MED1: variants seen among roughly 807,000 people sequenced by gnomAD.
The protein encoded by MED1 is mediator complex subunit 1.
Under a neutral mutation model 121.3 loss-of-function variants are expected in MED1, and 17 were observed. The ratio of observed to expected loss-of-function variants is 0.14; its 90% CI spans 0.10 to 0.21. The LOEUF (loss-of-function observed/expected upper bound fraction) is 0.21. MED1 is among the 10% of genes least tolerant of loss of function. The probability of loss-of-function intolerance (pLI) is 1.00; values close to 1 mark genes in which losing one functional copy is unlikely to be tolerated. For synonymous variants in MED1, 661 were observed against 694.4 expected, an observed-to-expected ratio of 0.95 and a Z score of 0.76; for missense variants, 1,558 against 1,919.4, an observed-to-expected ratio of 0.81 and a Z score of 3.52.
At chr17:39,420,573 T>C (rs1015339790) in intron 13 of MED1, among the ~76,000 whole-genome samples, 3 of 152,030 alleles carry the variant, frequency 2.0e-5, no homozygotes, top group Non-Finnish European at 2.9e-5. Flanking sequence ...ACTACTTTAG[T>C]CTATTGTAAA....
Position 39,419,581 on chromosome 17 carries a change from T to C in MED1, c.1297+136A>G, listed in dbSNP as rs1597858145. ...CACCACCACGTGCAGCTAATTTGCT[T>C]GATTTTTATGCCAAATATGAAAAAA... is the stretch of plus-strand genomic sequence containing the variant. On this transcript the variant is annotated intron_variant, in intron 14 of 16. Transcript: ENST00000300651. 48 of 815,036 alleles carry C rather than the reference T, an allele frequency of 5.9e-5. No homozygotes were observed. In the East Asian group the frequency reaches 1.3e-3, roughly 21 times the overall value. The allele number at this position is 815,036 out of a possible 1,614,324, so 50.5% of individuals were successfully genotyped here. A position where few individuals can be genotyped will look rare whatever the true frequency, so the allele number is the denominator to read the frequency against.
intron 9 of MED1, among the ~76,000 whole-genome samples, chr17:39,428,235 A>G (rs1363704444): frequency 6.6e-6 from 1 of 152,134 alleles, no homozygotes; most frequent in African/African-American, 2.4e-5. Context: ...CTGTAATCCC[A>G]CAACTTTGGG....
chr17:39,431,467 C>T (rs1033179724), intron 8 of MED1, among the ~76,000 whole-genome samples: 3 of 151,850 alleles, frequency 2.0e-5, no homozygotes, highest in Non-Finnish European at 4.4e-5. Flanking sequence ...TTAGTAGAGA[C>T]GGGGTTTCAC....
chr17:39,420,944 C>T (rs990488755), intron 13 of MED1, among the ~76,000 whole-genome samples: 4 of 151,464 alleles, frequency 2.6e-5, no homozygotes, highest in Non-Finnish European at 4.4e-5. Context: ...TACAGGCGCC[C>T]GCCACCACAC....
Position 39,423,315 on chromosome 17 carries a change from GGCTTT to G in MED1, c.1095+7_1095+11del, listed in dbSNP as rs1336284309. 6.4e-7 allele frequency: 1 copy of G among 1,554,968 alleles called. No homozygotes were observed. Among genetic ancestry groups the G allele is most frequent in the Non-Finnish European group, 8.9e-7 (1 of 1,126,522 alleles). On this transcript the variant is annotated splice_region_variant and intron_variant, in intron 13 of 16. Coordinates refer to ENST00000300651, the MANE Select transcript of MED1 (RefSeq NM_004774.4). ...AACCTACAACATTCTAGCTCCCTAGGGCTTTACTTACAGCATAAAATCTCATGTTG... is the reference window on the plus strand; with the variant it reads ...AACCTACAACATTCTAGCTCCCTAGGACTTACAGCATAAAATCTCATGTTG...
chr17:39,435,457 ATT>A (rs1443903201), intron 6 of MED1, among the ~76,000 whole-genome samples: 2 of 152,004 alleles, frequency 1.3e-5, no homozygotes, highest in Non-Finnish European at 2.9e-5. Context: ...CATCTCCACA[ATT>A]CTAACTCTTG....
rs1022231394 is a variant in MED1, at chr17:39,410,188, A to T, written c.2033T>A (p.Met678Lys). The T allele has an allele frequency of 4.3e-6, 7 of 1,613,852 alleles. No homozygotes were observed. Among genetic ancestry groups the T allele is most frequent in the Non-Finnish European group, 5.9e-6 (7 of 1,180,022 alleles). Reference protein sequence around the residue: ...RQNSSSGSPRMEICSGSNKTK... With the variant: ...RQNSSSGSPRKEICSGSNKTK... ...CTTGTTGCTCCCCGAGCATATTTCCATGCGGGGTGAGCCGGAAGAGGAGTT... is the reference window on the plus strand; with the variant it reads ...CTTGTTGCTCCCCGAGCATATTTCCTTGCGGGGTGAGCCGGAAGAGGAGTT... Residue 678 changes from methionine to lysine, a missense_variant, in exon 17 of 17, where the codon ATG (methionine) becomes AAG (lysine). Physicochemically the swap from Met to Lys is moderately conservative, Grantham distance 95 (BLOSUM62 -1). Around this residue, in one of 5 missense-constraint regions of MED1, gnomAD observed 793 missense variants for 898.2 expected, o/e 0.88. Transcript: ENST00000300651.
Position 39,415,095 on chromosome 17 carries a change from C to T in MED1, c.1430G>A (p.Cys477Tyr), listed in dbSNP as rs760548528. ...ATCCGACAGCCCTTTGTAGAGTTTA[C>T]AGCTCACATGTGTTGAGTCCTGCAC... Reference protein sequence around the residue: ...MDVQDSTHVSCKLYKGLSDAL... With the variant: ...MDVQDSTHVSYKLYKGLSDAL... Residue 477 changes from cysteine (C) to tyrosine (Y), a missense_variant, in exon 16 of 17, where the codon TGT (cysteine) becomes TAT (tyrosine). Transcript: ENST00000300651. 1 of 1,614,148 alleles carries T rather than the reference C, an allele frequency of 6.2e-7. No individual in the cohort carries two copies. The highest frequency in any genetic ancestry group is 8.5e-7 in the Non-Finnish European group (1 of 1,179,994).
rs879728736 is a variant in MED1, at chr17:39,405,911, CTTT to C, written c.*1561_*1563del. Reference sequence around the variant, plus strand: ...CATAACACACAAAGGAATCACCTGGCTTTTTTTTTTTAACCCAGAAGAGTTGTG... The same window carrying C: ...CATAACACACAAAGGAATCACCTGGCTTTTTTTTAACCCAGAAGAGTTGTG... On this transcript the variant is annotated 3_prime_UTR_variant, in exon 17 of 17. Transcript: ENST00000300651. The C allele has an allele frequency of 2.7e-6, 2 of 753,074 alleles. No individual in the cohort carries two copies. Among genetic ancestry groups the C allele is most frequent in the Non-Finnish European group, 3.2e-6 (2 of 620,434 alleles). The allele number at this position is 753,074 out of a possible 1,614,324, so 46.6% of individuals were successfully genotyped here.
rs60953593 is a variant in MED1 at position 39,440,020 on chromosome 17, A to AGG, written c.399+365_399+366insCC. On this transcript the variant is annotated intron_variant, in intron 5 of 16. Transcript: ENST00000300651. The surrounding 1 kb of genome is among the most constrained non-coding windows in gnomAD (Gnocchi z 4.1). ...AAGGAAGGAAGGAAGGAAGGAAGGA[A>AGG]AGAAAGAAAGAAAGAGAGAAAGAGA... Among the ~76,000 whole-genome samples, 6,542 of 81,580 alleles carry AGG rather than the reference A, an allele frequency of 0.08. 146 individuals carry two copies. Among genetic ancestry groups the AGG allele is most frequent in the Non-Finnish European group, 0.15 (4,415 of 29,300 alleles). The allele number at this position is 81,580 out of a possible 152,430, so 53.5% of individuals were successfully genotyped here.
At position 39,424,713 on chromosome 17, in the gene MED1, T is replaced by C. The variant is rs769074519; in HGVS notation, c.765A>G (p.Ala255=). Residue 255 remains alanine, a synonymous_variant, in exon 11 of 17, where the codon GCA becomes GCG. Coordinates refer to ENST00000300651, the MANE Select transcript of MED1 (RefSeq NM_004774.4). ...NNVSRSLGMN[A]SVTIEGTSAV... ...CAGATGTTCCTTCAATTGTCACTGA[T>C]GCATTCATGCCCAAAGATCGAGAAA... 17 of 1,609,920 alleles carry C rather than the reference T, an allele frequency of 1.1e-5. No homozygotes were observed. Among genetic ancestry groups the C allele is most frequent in the Non-Finnish European group, 1.4e-5 (17 of 1,177,556 alleles).
rs780429850 is a variant in MED1 at position 39,409,715 on chromosome 17, T to C, written c.2506A>G (p.Thr836Ala). 2 of 1,614,076 alleles carry C rather than the reference T, an allele frequency of 1.2e-6. No individual in the cohort carries two copies. Among genetic ancestry groups the C allele is most frequent in the Non-Finnish European group, 1.7e-6 (2 of 1,180,028 alleles). ...TCTGCAATAAGATCAGCTGGATCAG[T>C]GTATGGATTTTCATTATTGTTAGTT... ...FQTNNNENPY[T>A]DPADLIADAA... Residue 836 changes from threonine (T) to alanine (A), a missense_variant, in exon 17 of 17, where the codon ACT (threonine) becomes GCT (alanine). Transcript: ENST00000300651.
intron 1 of MED1, among the ~76,000 whole-genome samples, chr17:39,449,514 CT>C (rs111864908): frequency 0.57 from 69,632 of 122,662 alleles, 20,536 homozygotes; most frequent in South Asian, 0.84. Context: ...AATTTTTTTT[CT>C]TTTTTTTTTT....
At chr17:39,414,959 C>T (rs928885690) in intron 16 of MED1, 67 bp downstream of exon 16, 25 of 1,418,392 alleles carry the variant, frequency 1.8e-5, no homozygotes, top group Admixed American at 8.4e-5. Flanking sequence ...TGAGCCACCG[C>T]GCCCTACTCA....
At chr17:39,438,276 A>G (rs1475022499) in intron 6 of MED1, among the ~76,000 whole-genome samples, 1 of 147,252 alleles carries the variant, frequency 6.8e-6, no homozygotes, top group Non-Finnish European at 1.5e-5. Flanking sequence ...GGTTCAAGCA[A>G]TTTTCTGCCT....
chr17:39,424,778 A>T, intron 10 of MED1, 40 bp from the exon 11 acceptor site: 1 of 1,169,938 alleles, frequency 8.5e-7, no homozygotes, highest in Non-Finnish European at 1.3e-6. Flanking sequence ...TCAAAGTAAT[A>T]CAAATGATGG....
In MED1 at chr17:39,408,408, G is replaced by A; in HGVS notation, c.3813C>T (p.Ser1271=). The change falls in exon 17 of 17, where the codon TCC becomes TCT. Residue 1271 remains serine (S), a synonymous_variant. Coordinates refer to ENST00000300651, the MANE Select transcript of MED1 (RefSeq NM_004774.4). The surrounding 1 kb of genome is among the most constrained non-coding windows in gnomAD (Gnocchi z 4.7). ...PSSNSCTASS[S]SFSSSGSSMS... is the part of the protein sequence containing the mutation. ...TGGAAGAGCCACTTGAGGAAAAGGA[G>A]GAGGAAGATGCCGTACAGGAATTAG... 4 of 1,614,212 alleles carry A rather than the reference G, an allele frequency of 2.5e-6. No individual in the cohort carries two copies. Among genetic ancestry groups the A allele is most frequent in the African/African-American group, 1.3e-5 (1 of 75,058 alleles).
chr17:39,419,609 AAAAC>A, intron 14 of MED1, 104 bp downstream of exon 14: 1 of 1,167,280 alleles, frequency 8.6e-7, no homozygotes. Flanking sequence ...TGAAAAAAAA[AAAAC>A]TTTTTTTAAG....
chr17:39,431,669 A>G (rs960613548), intron 8 of MED1, among the ~76,000 whole-genome samples: 12 of 152,224 alleles, frequency 7.9e-5, no homozygotes, highest in Non-Finnish European at 1.6e-4. Context: ...GATTATTTCC[A>G]AGTACACACC....
Sources: gnomAD v4.1 joint callset for allele counts (sites outside exome capture counted in the v4.1 genomes callset) on GRCh38, gnomAD v4.1.1 for gene constraint, gnomAD v4.1.1 regional missense constraint, Gnocchi (gnomAD v3.1) non-coding constraint, MANE v1.5 for transcripts, NCBI Gene and HGNC (gene_info 2026-07-23, HGNC 2026-07-21) for gene names.